Variants in EPYC observed in about 807,000 individuals in gnomAD.
EPYC encodes the protein epiphycan.
EPYC carries 28 observed loss-of-function variants against 30.1 expected under a neutral mutation model. The ratio of observed to expected loss-of-function variants is 0.93; its 90% CI spans 0.69 to 1.28. The LOEUF (loss-of-function observed/expected upper bound fraction) is 1.28, where lower values mean the gene tolerates loss of function less well. EPYC is among the 50% of genes most tolerant of loss of function. The probability of loss-of-function intolerance (pLI) is 0.00; values close to 1 mark genes in which losing one functional copy is unlikely to be tolerated. For synonymous variants in EPYC, 144 were observed against 141.4 expected (o/e 1.02, Z -0.13); for missense variants, 382 against 383.5 (o/e 1.00, Z 0.03).
At chr12:90,993,389 G>A (rs528086232) in intron 2 of EPYC, among the ~76,000 whole-genome samples, 5 of 152,142 alleles carry the variant, frequency 3.3e-5, no homozygotes, top group Non-Finnish European at 5.9e-5. Flanking sequence ...GGTACACCTC[G>A]CCTTTATCAA....
intron 3 of EPYC, among the ~76,000 whole-genome samples, chr12:90,976,378 A>G (rs2120819492): frequency 6.6e-6 from 1 of 152,278 alleles, no homozygotes; most frequent in South Asian, 2.1e-4. Context: ...CAGTAACTAC[A>G]TGTATTCATT....
chr12:90,981,791 A>T (rs1168415731), intron 2 of EPYC, among the ~76,000 whole-genome samples: 1 of 152,136 alleles, frequency 6.6e-6, no homozygotes, highest in Non-Finnish European at 1.5e-5. Flanking sequence ...GTTTATGAGG[A>T]TCATAAACCA....
rs941268224 is a variant in EPYC, at chr12:90,971,506, C to A, written c.702+294G>T. On this transcript the variant is annotated intron_variant, in intron 5 of 6. Transcript: ENST00000261172. ...GAAATATGGCGAAACCATGTCTCTA[C>A]AAAAATATACAAAATTTAGCCAGGC... 9.9e-5 allele frequency among the ~76,000 whole-genome samples: 15 copies of A among 151,734 alleles called. 1 individual carries two copies. The East Asian group carries it at 2.7e-3, about 28-fold the overall frequency.
At chr12:90,980,664 T>A (rs1877304165) in intron 2 of EPYC, among the ~76,000 whole-genome samples, 2 of 152,240 alleles carry the variant, frequency 1.3e-5, no homozygotes, top group African/African-American at 4.8e-5. Context: ...AAAACTAAAT[T>A]TGAACGTAAA....
At chr12:90,992,180 G>A (rs1466868919) in intron 2 of EPYC, among the ~76,000 whole-genome samples, 1 of 152,132 alleles carries the variant, frequency 6.6e-6, no homozygotes, top group Non-Finnish European at 1.5e-5. Flanking sequence ...TGAATGCACA[G>A]TTCACAATAG....
chr12:90,996,915 A>G (rs1037490109), intron 2 of EPYC, among the ~76,000 whole-genome samples: 2 of 152,062 alleles, frequency 1.3e-5, no homozygotes, highest in Admixed American at 6.6e-5. Flanking sequence ...AAAAATCTAC[A>G]TAAGTAGTTG....
intron 2 of EPYC, among the ~76,000 whole-genome samples, chr12:90,995,071 A>G (rs150747930): frequency 9.9e-5 from 15 of 152,240 alleles, no homozygotes; most frequent in Admixed American, 3.9e-4. Flanking sequence ...AAGCACAGTG[A>G]AATTCTGCTT....
chr12:90,973,359 GATA>G, intron 3 of EPYC, among the ~76,000 whole-genome samples: 1 of 152,016 alleles, frequency 6.6e-6, no homozygotes, highest in Admixed American at 6.6e-5. Context: ...AAAAATAAAA[GATA>G]ATAATTATTA....
intron 3 of EPYC, among the ~76,000 whole-genome samples, chr12:90,974,460 T>C (rs557679693): frequency 6.6e-6 from 1 of 152,204 alleles, no homozygotes; most frequent in Non-Finnish European, 1.5e-5. Context: ...TGAGACATAG[T>C]GATATCTATA....
At chr12:90,975,218 A>G (rs888887502) in intron 3 of EPYC, among the ~76,000 whole-genome samples, 1 of 152,140 alleles carries the variant, frequency 6.6e-6, no homozygotes, top group Non-Finnish European at 1.5e-5. Flanking sequence ...TTTTCTACTC[A>G]TAAAAATTTT....
chr12:90,985,185 G>A (rs1877421509), intron 2 of EPYC, among the ~76,000 whole-genome samples: 1 of 152,114 alleles, frequency 6.6e-6, no homozygotes, highest in Admixed American at 6.6e-5. Context: ...ATAAACATCT[G>A]CTGACCTGTG....
intron 3 of EPYC, among the ~76,000 whole-genome samples, chr12:90,974,277 G>A (rs961258065): frequency 1.3e-5 from 2 of 151,938 alleles, no homozygotes; most frequent in African/African-American, 4.8e-5. Context: ...GGTAAGTTAA[G>A]GACTGAAAAA....
In EPYC at chr12:90,978,176, C is replaced by G; in HGVS notation, c.252G>C (p.Glu84Asp). Residue 84 changes from glutamate (E) to aspartate (D), a missense_variant, in exon 3 of 7, where the codon GAG becomes GAC. Physicochemically the swap from Glu to Asp is conservative, Grantham distance 45. Coordinates refer to ENST00000261172, the MANE Select transcript of EPYC (RefSeq NM_004950.5). The stretch of plus-strand genomic sequence containing the variant: ...TCAGCCTGGGAGTAGATTCCTCCTC[C>G]TCTTCCTCTTCCTGGGCCTTCTCAG... Reference protein sequence around the residue: ...PQPEKAQEEEEEEESTPRLID... With the variant: ...PQPEKAQEEEDEEESTPRLID... 1 of 1,607,184 alleles carries G rather than the reference C, an allele frequency of 6.2e-7. No individual in the cohort carries two copies.
chr12:90,971,943 A>G lies in EPYC; in HGVS notation c.559T>C (p.Phe187Leu). Residue 187 changes from phenylalanine (F) to leucine (L), a missense_variant, in exon 5 of 7, where the codon TTC becomes CTC. By Grantham distance (22) the Phe-to-Leu change is conservative. Transcript: ENST00000261172. ...NLISEIDEDA[F>L]RKLPQLRELV... ...TCTCGAAGTTGAGGCAGTTTTCGGAATGCATCTTCATCAATCTCAGATATT... is the reference window on the plus strand; with the variant it reads ...TCTCGAAGTTGAGGCAGTTTTCGGAGTGCATCTTCATCAATCTCAGATATT... 1 of 1,610,574 alleles carries G rather than the reference A, an allele frequency of 6.2e-7. No individual in the cohort carries two copies. The highest frequency in any genetic ancestry group is 8.5e-7 in the Non-Finnish European group (1 of 1,178,296).
At chr12:90,993,747 C>T (rs577621684) in intron 2 of EPYC, among the ~76,000 whole-genome samples, 270 of 150,856 alleles carry the variant, frequency 1.8e-3, no homozygotes, top group African/African-American at 6.3e-3. Context: ...ATATGTAATA[C>T]ATTTATTATG....
At chr12:90,986,829 C>A (rs1877458473) in intron 2 of EPYC, among the ~76,000 whole-genome samples, 1 of 152,136 alleles carries the variant, frequency 6.6e-6, no homozygotes, top group African/African-American at 2.4e-5. Flanking sequence ...TGTTACACAG[C>A]AAAAGCTAAC....
At position 90,964,227 on chromosome 12, in the gene EPYC, G is replaced by C. The variant is rs374304883; in HGVS notation, c.898C>G (p.Pro300Ala). 3.1e-6 allele frequency: 5 copies of C among 1,613,406 alleles called. No individual in the cohort carries two copies. The African/African-American group carries it at 4.0e-5, about 13-fold the overall frequency. The part of the protein sequence containing the change: ...ALEDIRLDGN[P>A]INLSKTPQAY... ...TGAGGAGTTTTGCTGAGATTAATAG[G>C]GTTTCCATCCAATCGAATGTCCTCT... Residue 300 changes from proline to alanine, a missense_variant, in exon 7 of 7, where the codon CCT (proline) becomes GCT (alanine). Physicochemically the swap from Pro to Ala is conservative, Grantham distance 27 (BLOSUM62 -1). Coordinates refer to ENST00000261172, the MANE Select transcript of EPYC (RefSeq NM_004950.5).
In EPYC at chr12:90,971,965, T is replaced by G. The variant is rs34062416; in HGVS notation, c.537A>C (p.Ile179=). The G allele has an allele frequency of 4.3e-4, 694 of 1,605,838 alleles. No homozygotes were observed. Among genetic ancestry groups the G allele is most frequent in the South Asian group, 9.5e-4 (85 of 89,798 alleles). The change falls in exon 5 of 7, where the codon ATA becomes ATC. Residue 179 remains isoleucine (I), a synonymous_variant. Coordinates refer to ENST00000261172, the MANE Select transcript of EPYC (RefSeq NM_004950.5). ...GGAATGCATCTTCATCAATCTCAGA[T>G]ATTAAATTTGATGTCAGATCAATCC... ...LKRIDLTSNL[I]SEIDEDAFRK...
At chr12:90,981,925 A>G (rs1877334040) in intron 2 of EPYC, among the ~76,000 whole-genome samples, 1 of 152,064 alleles carries the variant, frequency 6.6e-6, no homozygotes, top group Non-Finnish European at 1.5e-5. Context: ...TATGTTATGG[A>G]AAAAAATGCT....
Sources: gnomAD v4.1 joint callset for allele counts (sites outside exome capture counted in the v4.1 genomes callset) on GRCh38, gnomAD v4.1.1 for gene constraint, MANE v1.5 for transcripts, NCBI Gene and HGNC (gene_info 2026-07-23, HGNC 2026-07-21) for gene names.